SOS1: variants seen among roughly 807,000 people sequenced by gnomAD.
SOS1 encodes son of sevenless homolog 1.
A neutral mutation model predicts 157.6 loss-of-function variants in SOS1; 25 were observed. The observed-to-expected ratio is 0.16, with a 90% CI of 0.12 to 0.22. The LOEUF is 0.22. SOS1 is among the 10% of genes least tolerant of loss of function. The pLI, the probability that SOS1 is intolerant of heterozygous loss-of-function variation, is 1.00. For missense variants in SOS1, 1,237 were observed against 1,599.1 expected, an observed-to-expected ratio of 0.77 and a Z score of 3.86; for synonymous variants, 528 against 534.0, an observed-to-expected ratio of 0.99 and a Z score of 0.16.
chr2:38,991,423 C>T lies in SOS1; in HGVS notation c.3347-2109G>A, dbSNP rs1045702656. ...AAGGGATGGAAATGGAGAAGTCAGA[C>T]CTCTGACTCCCTTTTATGACCAGGC... On this transcript the variant is annotated intron_variant, in intron 20 of 22. Transcript: ENST00000402219. 3.3e-5 allele frequency among the ~76,000 whole-genome samples: 5 copies of T among 152,288 alleles called. No individual in the cohort carries two copies. The East Asian group carries it at 9.7e-4, about 29-fold the overall frequency.
rs1458936381 is a variant in SOS1 at position 39,007,019 on chromosome 2, G to A, written c.2673+12C>T. The A allele has an allele frequency of 6.3e-7, 1 of 1,588,036 alleles. No homozygotes were observed. Among genetic ancestry groups the A allele is most frequent in the Non-Finnish European group, 8.6e-7 (1 of 1,156,732 alleles). On this transcript the variant is annotated intron_variant, in intron 16 of 22. Transcript: ENST00000402219. The stretch of plus-strand genomic sequence containing the variant: ...ATGAAAGTTCATTTTAAAAACACAT[G>A]TAGAAACCTACCTCAAATGTGTGGT...
chr2:38,996,309 C>CA (rs1668889297), intron 19 of SOS1, among the ~76,000 whole-genome samples: 1 of 152,180 alleles, frequency 6.6e-6, no homozygotes, highest in Non-Finnish European at 1.5e-5. Context: ...AGGCTGGTCT[C>CA]AAACTCCTGA....
chr2:39,018,732 C>T (rs1669706352), intron 10 of SOS1, among the ~76,000 whole-genome samples: 1 of 151,590 alleles, frequency 6.6e-6, no homozygotes, highest in Admixed American at 6.6e-5. Context: ...AAGACCACCC[C>T]ACCCCCAACC....
intron 6 of SOS1, among the ~76,000 whole-genome samples, chr2:39,046,495 C>CTCTT (rs1292758653): frequency 3.2e-5 from 4 of 124,382 alleles, no homozygotes; most frequent in African/African-American, 1.3e-4. Context: ...GAGACAGTGT[C>CTCTT]TTTTTTTTTT....
rs368708238 is a variant in SOS1, at chr2:38,986,242, C to T, written c.3584G>A (p.Arg1195Gln). The T allele has an allele frequency of 5.6e-6, 9 of 1,613,668 alleles. No homozygotes were observed. Among genetic ancestry groups the T allele is most frequent in the Non-Finnish European group, 7.6e-6 (9 of 1,179,842 alleles). The change falls in exon 23 of 23, where the codon CGA becomes CAA. Residue 1195 changes from arginine (R) to glutamine (Q), a missense_variant. By Grantham distance (43) the Arg-to-Gln change is conservative (BLOSUM62 1). This residue lies in a region of SOS1 where 306 missense variants were observed against 322.6 expected (regional missense o/e 0.95). Transcript: ENST00000402219. ...RQPTSKAYSP[R>Q]YSISDRTSIS... ...AGAGGTCCGGTCTGATATTGAATATCGTGGTGAATAGGCTTTTGATGTGGG... is the reference window on the plus strand; with the variant it reads ...AGAGGTCCGGTCTGATATTGAATATTGTGGTGAATAGGCTTTTGATGTGGG...
intron 1 of SOS1, among the ~76,000 whole-genome samples, chr2:39,103,445 G>C (rs192557956): frequency 6.6e-6 from 1 of 152,152 alleles, no homozygotes; most frequent in East Asian, 1.9e-4. Flanking sequence ...TACTGAAAAA[G>C]CATAGACATA....
chr2:39,072,618 T>C (rs939134416), intron 1 of SOS1, among the ~76,000 whole-genome samples: 5 of 152,208 alleles, frequency 3.3e-5, no homozygotes, highest in East Asian at 1.9e-4. Context: ...AATGTTAAGT[T>C]TGGCACTTTG....
At chr2:38,988,529 C>T (rs1474103165) in intron 21 of SOS1, among the ~76,000 whole-genome samples, 3 of 151,800 alleles carry the variant, frequency 2.0e-5, no homozygotes, top group Non-Finnish European at 4.4e-5. Context: ...TTTATTTTGT[C>T]ACATGTTATA....
chr2:39,048,180 G>C (rs1189518589), intron 6 of SOS1, among the ~76,000 whole-genome samples: 2 of 152,126 alleles, frequency 1.3e-5, no homozygotes, highest in East Asian at 1.9e-4. Flanking sequence ...GTATTTCACA[G>C]GTCATGAAGA....
At chr2:39,105,879 G>A (rs972254593) in intron 1 of SOS1, among the ~76,000 whole-genome samples, 9 of 151,928 alleles carry the variant, frequency 5.9e-5, no homozygotes, top group Admixed American at 3.9e-4. Context: ...CAGCCTGGGC[G>A]ACAGGGTGAG....
intron 6 of SOS1, among the ~76,000 whole-genome samples, chr2:39,039,627 CTTTACA>C (rs1670488188): frequency 6.6e-6 from 1 of 152,140 alleles, no homozygotes; most frequent in Non-Finnish European, 1.5e-5. Flanking sequence ...ATTAGCTTGA[CTTTACA>C]TTTTAATTTA....
intron 6 of SOS1, among the ~76,000 whole-genome samples, chr2:39,050,500 G>T (rs1670970191): frequency 6.6e-6 from 1 of 152,094 alleles, no homozygotes; most frequent in Non-Finnish European, 1.5e-5. Flanking sequence ...ATTACAGATT[G>T]AGTATCTCTT....
At chr2:38,997,581 GAGA>G (rs1247222708) in intron 17 of SOS1, among the ~76,000 whole-genome samples, 156 bp from the exon 18 acceptor site, 1 of 147,540 alleles carries the variant, frequency 6.8e-6, no homozygotes, top group Non-Finnish European at 1.5e-5. Context: ...AGCAGCTTAA[GAGA>G]AAGTATCTGT....
In SOS1 at chr2:39,038,340, G is replaced by C. The variant is rs151116126; in HGVS notation, c.865-2840C>G. On this transcript the variant is annotated intron_variant, in intron 6 of 22. Transcript: ENST00000402219. ...ACTGCAGATGTGGTGGAAATAGAAA[G>C]AGAAATAGGATTAGAAGTGGAGCCT... 1.1e-4 allele frequency among the ~76,000 whole-genome samples: 16 copies of C among 152,282 alleles called. No homozygotes were observed. In the East Asian group the frequency reaches 2.1e-3, roughly 20 times the overall value.
intron 1 of SOS1, among the ~76,000 whole-genome samples, chr2:39,071,887 G>C (rs1339723811): frequency 7.1e-6 from 1 of 140,906 alleles, no homozygotes; most frequent in Non-Finnish European, 1.5e-5. Flanking sequence ...ATTCTCTCAA[G>C]TTTTTTTATC....
chr2:39,030,986 C>T (rs1207321367), intron 8 of SOS1, among the ~76,000 whole-genome samples: 2 of 152,154 alleles, frequency 1.3e-5, no homozygotes, highest in Admixed American at 1.3e-4. Context: ...CCAAGAATCG[C>T]TGGGGTCCAC....
At chr2:39,003,910 G>C (rs540649664) in intron 17 of SOS1, among the ~76,000 whole-genome samples, 1 of 152,242 alleles carries the variant, frequency 6.6e-6, no homozygotes, top group South Asian at 2.1e-4. Flanking sequence ...ATGCATTGCA[G>C]GATGTTAACA....
At chr2:39,099,582 A>G (rs987651770) in intron 1 of SOS1, among the ~76,000 whole-genome samples, 2 of 152,188 alleles carry the variant, frequency 1.3e-5, no homozygotes, top group Non-Finnish European at 2.9e-5. Flanking sequence ...TAGTTCCTTG[A>G]TATTTTTTTG....
intron 17 of SOS1, among the ~76,000 whole-genome samples, chr2:39,002,010 C>T (rs1293145581): frequency 2.0e-5 from 3 of 152,146 alleles, no homozygotes; most frequent in Admixed American, 2.0e-4. Flanking sequence ...CTGAAACTTC[C>T]TCCTTTCACT....
Sources: allele counts gnomAD v4.1 joint callset (sites outside exome capture counted in the v4.1 genomes callset), GRCh38; gene constraint gnomAD v4.1.1; regional missense constraint gnomAD v4.1.1; transcripts MANE v1.5; gene names NCBI Gene and HGNC (gene_info 2026-07-23, HGNC 2026-07-21).